Variants in ASB3 observed in about 807,000 individuals in gnomAD.
The protein encoded by ASB3 is ankyrin repeat and SOCS box containing 3.
ASB3 carries 41 observed loss-of-function variants against 54.5 expected under a neutral mutation model. The observed-to-expected ratio is 0.75, with a 90% CI of 0.59 to 0.98. The LOEUF (loss-of-function observed/expected upper bound fraction) is 0.98, where lower values mean the gene tolerates loss of function less well. ASB3 is among the 50% of genes least tolerant of loss of function. ASB3 has a pLI of 0.00. For synonymous variants in ASB3, 266 were observed against 221.2 expected (o/e 1.20, Z -1.80); for missense variants, 733 against 620.0 (o/e 1.18, Z -1.94).
chr2:53,688,673 C>T (rs1001869139), intron 9 of ASB3, among the ~76,000 whole-genome samples: 1 of 151,846 alleles, frequency 6.6e-6, no homozygotes, highest in African/African-American at 2.4e-5. Context: ...TCTCAGCAAA[C>T]TAACACAGGA....
chr2:53,757,994 T>C (rs1242043540), intron 2 of ASB3, among the ~76,000 whole-genome samples: 1 of 150,984 alleles, frequency 6.6e-6, no homozygotes, highest in Non-Finnish European at 1.5e-5. Flanking sequence ...ATTAAGTAAC[T>C]CAAGGAGAGA....
In ASB3 at chr2:53,694,005, T is replaced by A. The variant is rs1669053073; in HGVS notation, c.1248A>T (p.Ser416=). 1 of 1,613,104 alleles carries A rather than the reference T, an allele frequency of 6.2e-7. No individual in the cohort carries two copies. The highest frequency in any genetic ancestry group is 1.1e-5 in the South Asian group (1 of 91,014). ...TGAAGATAAGGGTGTCAATGCTGAC[T>A]GAGTCAATCCTATGTTAGCAAGATG... ...LILLCNSWID[S]VSIDTLIFTL... Residue 416 remains serine, a synonymous_variant, in exon 9 of 10, where the codon TCA becomes TCT. Transcript: ENST00000263634.
At chr2:53,700,994 G>A (rs1669461023) in intron 7 of ASB3, among the ~76,000 whole-genome samples, 5 of 152,002 alleles carry the variant, frequency 3.3e-5, no homozygotes, top group Admixed American at 6.6e-5. Context: ...TATTTTTCTA[G>A]ATACAGGGTC....
chr2:53,674,326 T>G, intron 9 of ASB3, among the ~76,000 whole-genome samples: 1 of 152,220 alleles, frequency 6.6e-6, no homozygotes, highest in East Asian at 1.9e-4. Flanking sequence ...TAAACTTAGT[T>G]TATCCATAGA....
At chr2:53,782,487 A>G (rs1293666756) in intron 1 of ASB3, among the ~76,000 whole-genome samples, 1 of 152,184 alleles carries the variant, frequency 6.6e-6, no homozygotes, top group African/African-American at 2.4e-5. Flanking sequence ...GAATTATTAT[A>G]ATATTTATAT....
intron 9 of ASB3, among the ~76,000 whole-genome samples, chr2:53,673,326 A>G (rs1470260260): frequency 6.6e-6 from 1 of 152,196 alleles, no homozygotes; most frequent in Non-Finnish European, 1.5e-5. Flanking sequence ...AGCTGCTCAC[A>G]TGGAGATAAG....
At chr2:53,686,076 A>G (rs189684439) in intron 9 of ASB3, among the ~76,000 whole-genome samples, 145 of 152,326 alleles carry the variant, frequency 9.5e-4, no homozygotes, top group Non-Finnish European at 1.7e-3. Flanking sequence ...CCGCGTTATT[A>G]TCACATGATT....
chr2:53,695,804 G>A (rs1425231700), intron 8 of ASB3, among the ~76,000 whole-genome samples: 4 of 152,112 alleles, frequency 2.6e-5, no homozygotes, highest in Non-Finnish European at 5.9e-5. Context: ...GGGGTGCGCA[G>A]GCAGAGGAAT....
At chr2:53,771,733 G>A (rs890467985) in intron 1 of ASB3, among the ~76,000 whole-genome samples, 18 of 152,034 alleles carry the variant, frequency 1.2e-4, no homozygotes, top group African/African-American at 4.3e-4. Flanking sequence ...TCTAGATAAG[G>A]TAGGTTCTCT....
At position 53,693,901 on chromosome 2, in the gene ASB3, A is replaced by C; in HGVS notation, c.1352T>G (p.Ile451Ser). 1 of 1,613,520 alleles carries C rather than the reference A, an allele frequency of 6.2e-7. No homozygotes were observed. The highest frequency in any genetic ancestry group is 8.5e-7 in the Non-Finnish European group (1 of 1,179,572). ...MLSARASNAWILQQHIATVPS... is the reference protein window; with the variant it reads ...MLSARASNAWSLQQHIATVPS... ...TTTCTTACCAATATGTTGCTGTAGAATCCAAGCGTTTGAGGCACGAGCAGA... is the reference window on the plus strand; with the variant it reads ...TTTCTTACCAATATGTTGCTGTAGACTCCAAGCGTTTGAGGCACGAGCAGA... The change falls in exon 9 of 10, where the codon ATT becomes AGT. Residue 451 changes from isoleucine to serine, a missense_variant. Transcript: ENST00000263634.
intron 1 of ASB3, among the ~76,000 whole-genome samples, chr2:53,766,292 T>C (rs1407665519): frequency 1.3e-5 from 2 of 152,178 alleles, no homozygotes; most frequent in Non-Finnish European, 2.9e-5. Flanking sequence ...CTCCCTCCAA[T>C]GCTCACTTCA....
In ASB3 at chr2:53,754,615, A is replaced by G. The variant is rs1572972746; in HGVS notation, c.197-3674T>C. ...TTGAGGCTGCAACTTTGACTCTGCT[A>G]GAAATAATATGGGTTATACTTCGGG... On this transcript the variant is annotated intron_variant, in intron 2 of 9. Coordinates refer to ENST00000263634, the MANE Select transcript of ASB3 (RefSeq NM_016115.5). Among the ~76,000 whole-genome samples, 13 of 152,350 alleles carry G rather than the reference A, an allele frequency of 8.5e-5. 1 individual carries two copies. In the South Asian group the frequency reaches 2.7e-3, roughly 32 times the overall value.
chr2:53,757,802 G>T (rs1176182185), intron 2 of ASB3, among the ~76,000 whole-genome samples: 1 of 152,170 alleles, frequency 6.6e-6, no homozygotes, highest in Admixed American at 6.6e-5. Context: ...TTTGTAAATG[G>T]CTAGGAGGAT....
At chr2:53,731,243 T>C (rs1217894630) in intron 3 of ASB3, among the ~76,000 whole-genome samples, 2 of 152,028 alleles carry the variant, frequency 1.3e-5, no homozygotes, top group African/African-American at 2.4e-5. Flanking sequence ...CTACTAAAAA[T>C]ACAAAAAAAT....
chr2:53,676,440 T>C (rs893087081), intron 9 of ASB3, among the ~76,000 whole-genome samples: 1 of 152,234 alleles, frequency 6.6e-6, no homozygotes, highest in Admixed American at 6.5e-5. Context: ...CTGTTGCCAA[T>C]ACAGGCATAC....
chr2:53,726,809 G>T lies in ASB3; in HGVS notation c.604+1903C>A, dbSNP rs145165225. ...CCTCATGGGTTCAAGAGATTCTCCT[G>T]CCTCAGCCTCCCCAGTAGCTCGGAC... On this transcript the variant is annotated intron_variant, in intron 5 of 9. Transcript: ENST00000263634. Among the ~76,000 whole-genome samples the T allele has an allele frequency of 8.1e-3, 1,229 of 151,910 alleles. 12 individuals carry two copies. Among genetic ancestry groups the T allele is most frequent in the African/African-American group, 0.028 (1,168 of 41,420 alleles).
At chr2:53,728,992 A>T in intron 4 of ASB3, 145 bp from the exon 5 acceptor site, 1 of 917,496 alleles carries the variant, frequency 1.1e-6, no homozygotes. Context: ...CTGCTGTATT[A>T]GTTGGAAAGA....
chr2:53,687,333 A>C (rs1668683408), intron 9 of ASB3, among the ~76,000 whole-genome samples: 1 of 152,202 alleles, frequency 6.6e-6, no homozygotes, highest in Non-Finnish European at 1.5e-5. Context: ...GGCAATGTTA[A>C]CCAAGGCACG....
chr2:53,747,976 A>C (rs1440796279), intron 3 of ASB3, among the ~76,000 whole-genome samples: 1 of 152,238 alleles, frequency 6.6e-6, no homozygotes, highest in Non-Finnish European at 1.5e-5. Context: ...TCACTGAATC[A>C]GTTTTCTACC....
Sources: allele counts gnomAD v4.1 joint callset (sites outside exome capture counted in the v4.1 genomes callset), GRCh38; gene constraint gnomAD v4.1.1; transcripts MANE v1.5; gene names NCBI Gene and HGNC (gene_info 2026-07-23, HGNC 2026-07-21).